The following PVT1 variants were observed in gnomAD, a reference collection of about 807,000 sequenced individuals.
The protein encoded by PVT1 is Pvt1 oncogene.
chr8:127,877,576 A>G (rs987245646), intron 2 of PVT1, among the ~76,000 whole-genome samples: 4 of 152,126 alleles, frequency 2.6e-5, no homozygotes, highest in African/African-American at 4.8e-5. Flanking sequence ...TCCACACCGC[A>G]CATCTACTAC....
chr8:128,028,638 G>C (rs988577935), intron 4 of PVT1, among the ~76,000 whole-genome samples: 91 of 152,254 alleles, frequency 6.0e-4, no homozygotes, highest in African/African-American at 2.1e-3. Context: ...CTGTAAGTGG[G>C]GAGCATAGAG....
At chr8:128,064,555 A>G (rs568956239) in intron 4 of PVT1, among the ~76,000 whole-genome samples, 2 of 152,302 alleles carry the variant, frequency 1.3e-5, no homozygotes, top group African/African-American at 4.8e-5. Context: ...GGTTCCCCCA[A>G]CAGATTTTCT....
At chr8:127,987,380 G>T (rs1385199321) in intron 3 of PVT1, among the ~76,000 whole-genome samples, 1 of 152,000 alleles carries the variant, frequency 6.6e-6, no homozygotes, top group African/African-American at 2.4e-5. Flanking sequence ...CCCAGGCTTT[G>T]GCCCAATCTC....
At chr8:128,052,956 G>A (rs1036976069) in intron 4 of PVT1, among the ~76,000 whole-genome samples, 1 of 152,238 alleles carries the variant, frequency 6.6e-6, no homozygotes, top group African/African-American at 2.4e-5. Context: ...TCCAGGATTT[G>A]TGTATCTAAC....
chr8:128,006,103 AAATAATAATAATAAT>A lies in PVT1; in HGVS notation n.912+16845_912+16859del, dbSNP rs201867936. On this transcript the variant is annotated intron_variant and non_coding_transcript_variant, in intron 4 of 10. Transcript: ENST00000651587. ...CAGTGACAGAGTGAGACCTTGTCTC[AAATAATAATAATAAT>A]AATAATAATAATAATAATAATAATA... 6.6e-4 allele frequency among the ~76,000 whole-genome samples: 79 copies of A among 119,346 alleles called. No individual in the cohort carries two copies. The South Asian group carries it at 9.5e-3, about 14-fold the overall frequency. 78.3% of individuals were successfully genotyped at this position (119,346 alleles called of 152,430 possible).
intron 3 of PVT1, among the ~76,000 whole-genome samples, chr8:127,987,357 C>T (rs1179944500): frequency 6.6e-6 from 1 of 152,196 alleles, no homozygotes; most frequent in Admixed American, 6.5e-5. Flanking sequence ...AGCTGAGAAC[C>T]TTTGATGGAA....
chr8:127,826,985 TC>T (rs1814796028), intron 2 of PVT1, among the ~76,000 whole-genome samples: 1 of 110,220 alleles, frequency 9.1e-6, no homozygotes, highest in East Asian at 2.2e-4. Context: ...TTTCTTTCTT[TC>T]TTTTTCTCTT....
At chr8:127,833,032 A>G (rs1009442291) in intron 2 of PVT1, among the ~76,000 whole-genome samples, 2 of 151,924 alleles carry the variant, frequency 1.3e-5, no homozygotes, top group Middle Eastern at 3.4e-3. Context: ...ATCTCCCCCC[A>G]CCTCCCCAGA....
intron 2 of PVT1, among the ~76,000 whole-genome samples, chr8:127,839,557 A>C (rs1338249432): frequency 6.6e-6 from 1 of 151,126 alleles, no homozygotes; most frequent in Non-Finnish European, 1.5e-5. Context: ...CTCAAAAATA[A>C]AAAATAAAAA....
At chr8:128,087,619 A>G (rs1315374545) in intron 5 of PVT1, among the ~76,000 whole-genome samples, 2 of 152,132 alleles carry the variant, frequency 1.3e-5, no homozygotes, top group African/African-American at 2.4e-5. Flanking sequence ...TCGTTTTCCA[A>G]CCCAAAGAAT....
intron 4 of PVT1, among the ~76,000 whole-genome samples, chr8:128,001,736 CA>C (rs1166750040): frequency 6.6e-6 from 1 of 152,172 alleles, no homozygotes; most frequent in Non-Finnish European, 1.5e-5. Flanking sequence ...TCATAGTTCT[CA>C]AAGCTAAAAG....
chr8:127,883,631 T>C (rs1193080663), intron 2 of PVT1, among the ~76,000 whole-genome samples: 1 of 150,628 alleles, frequency 6.6e-6, no homozygotes, highest in South Asian at 2.1e-4. Flanking sequence ...TAAAAAAAAA[T>C]AAAATTAAAA....
intron 4 of PVT1, among the ~76,000 whole-genome samples, chr8:128,038,324 C>A (rs1305317735): frequency 6.6e-6 from 1 of 152,196 alleles, no homozygotes; most frequent in Non-Finnish European, 1.5e-5. Flanking sequence ...TTAGCATGAG[C>A]AGTGTCATTA....
intron 4 of PVT1, among the ~76,000 whole-genome samples, chr8:128,010,967 A>G (rs1170618515): frequency 6.6e-6 from 1 of 152,244 alleles, no homozygotes; most frequent in Non-Finnish European, 1.5e-5. Context: ...ATTTTGGTTT[A>G]GGAGTCTTAA....
At chr8:127,892,631 T>A (rs111665699) in intron 3 of PVT1, among the ~76,000 whole-genome samples, 5 of 152,314 alleles carry the variant, frequency 3.3e-5, no homozygotes, top group African/African-American at 1.2e-4. Flanking sequence ...AACTGCCTCG[T>A]GTTTTATACC....
intron 2 of PVT1, among the ~76,000 whole-genome samples, chr8:127,796,693 A>G (rs1012739259): frequency 1.3e-5 from 2 of 152,126 alleles, no homozygotes; most frequent in Non-Finnish European, 2.9e-5. Context: ...ATCTGGGGGA[A>G]GTGGAAGACT....
At chr8:127,882,267 GGAAGTGAAAC>G in intron 2 of PVT1, among the ~76,000 whole-genome samples, 1 of 152,244 alleles carries the variant, frequency 6.6e-6, no homozygotes, top group Non-Finnish European at 1.5e-5. Flanking sequence ...ACGTTAGGGA[GGAAGTGAAAC>G]GAAGCAAAAA....
chr8:127,815,005 T>G (rs1483387044), intron 2 of PVT1, among the ~76,000 whole-genome samples: 1 of 152,174 alleles, frequency 6.6e-6, no homozygotes, highest in Non-Finnish European at 1.5e-5. Flanking sequence ...CTTGTTCTGT[T>G]GCCCAGGCTG....
intron 4 of PVT1, among the ~76,000 whole-genome samples, chr8:128,031,943 CTAATTAT>C (rs901738467): frequency 8.1e-4 from 123 of 152,272 alleles, no homozygotes; most frequent in African/African-American, 2.9e-3. Context: ...TTGTGTTCCC[CTAATTAT>C]TATGATAGGA....
Sources: allele counts gnomAD v4.1 joint callset (sites outside exome capture counted in the v4.1 genomes callset), GRCh38; gene constraint gnomAD v4.1.1; transcripts MANE v1.5; gene names NCBI Gene and HGNC (gene_info 2026-07-23, HGNC 2026-07-21).